The following PPIP5K2 variants were observed in gnomAD, a reference collection of about 807,000 sequenced individuals.
PPIP5K2 encodes inositol hexakisphosphate and diphosphoinositol-pentakisphosphate kinase 2.
PPIP5K2 carries 105 observed loss-of-function variants against 154.6 expected under a neutral mutation model. The ratio of observed to expected loss-of-function variants is 0.68; its 90% CI spans 0.58 to 0.80. The LOEUF is 0.80. Among genes scored for constraint, PPIP5K2 ranks in the 30% least tolerant of loss-of-function variants. The pLI, the probability that PPIP5K2 is intolerant of heterozygous loss-of-function variation, is 0.00. For synonymous variants in PPIP5K2, 480 were observed against 490.3 expected, an observed-to-expected ratio of 0.98 and a Z score of 0.28; for missense variants, 992 against 1,504.6, an observed-to-expected ratio of 0.66 and a Z score of 5.64.
At position 103,133,522 on chromosome 5, in the gene PPIP5K2, G is replaced by T; in HGVS notation, c.184G>T (p.Glu62Ter). The T allele has an allele frequency of 6.2e-7, 1 of 1,612,134 alleles. No homozygotes were observed. The highest frequency in any genetic ancestry group is 2.2e-5 in the East Asian group (1 of 44,728). ...GAAATCCAAATCCAAACCAATGAAG[G>T]AAATTCTTGAACGGATCTCCTTATT... ...AKKSKSKPMK[E>*]ILERISLFKY... Residue 62 changes from glutamate (E) to a stop codon, truncating the protein, a stop_gained, in exon 3 of 31, where the codon GAA becomes TAA. Coordinates refer to ENST00000358359, the MANE Select transcript of PPIP5K2 (RefSeq NM_001276277.3). LOFTEE classifies it high-confidence loss of function.
chr5:103,162,955 C>CT, intron 17 of PPIP5K2, among the ~76,000 whole-genome samples: 1 of 151,988 alleles, frequency 6.6e-6, no homozygotes. Context: ...AAAGACTATT[C>CT]TTTCCCATTA....
intron 29 of PPIP5K2, among the ~76,000 whole-genome samples, chr5:103,192,117 C>T (rs1483525530): frequency 6.6e-6 from 1 of 151,958 alleles, no homozygotes; most frequent in Non-Finnish European, 1.5e-5. Flanking sequence ...CCTTTTCTTC[C>T]ATTTTTGGTA....
At chr5:103,137,216 G>A (rs546602593) in intron 4 of PPIP5K2, among the ~76,000 whole-genome samples, 138 of 148,824 alleles carry the variant, frequency 9.3e-4, no homozygotes, top group African/African-American at 3.3e-3. Flanking sequence ...AGTCTGGAGT[G>A]CAGTGGCGGG....
intron 21 of PPIP5K2, among the ~76,000 whole-genome samples, chr5:103,176,010 C>T (rs1798649895): frequency 6.6e-6 from 1 of 151,924 alleles, no homozygotes; most frequent in Non-Finnish European, 1.5e-5. Context: ...TCAGTATATT[C>T]CCCTTTGTAA....
At chr5:103,166,383 G>T (rs1797119324) in intron 17 of PPIP5K2, among the ~76,000 whole-genome samples, 1 of 151,964 alleles carries the variant, frequency 6.6e-6, no homozygotes, top group African/African-American at 2.4e-5. Flanking sequence ...TTCAGTGGGA[G>T]ATCATTAGGA....
At chr5:103,162,147 T>G (rs1796365108) in intron 17 of PPIP5K2, among the ~76,000 whole-genome samples, 1 of 152,180 alleles carries the variant, frequency 6.6e-6, no homozygotes, top group South Asian at 2.1e-4. Flanking sequence ...TTTACTTTAT[T>G]GTGGCTTCAA....
Position 103,169,103 on chromosome 5 carries a change from T to C in PPIP5K2, c.2286+808T>C, listed in dbSNP as rs140879980. Reference sequence around the variant, plus strand: ...CATGGGTCTTTTCATTATAGGAGAATAAAAATAAAGGTGTAACAAGAATTC... The same window carrying C: ...CATGGGTCTTTTCATTATAGGAGAACAAAAATAAAGGTGTAACAAGAATTC... On this transcript the variant is annotated intron_variant, in intron 19 of 30. Transcript: ENST00000358359. Among the ~76,000 whole-genome samples, 13 of 151,886 alleles carry C rather than the reference T, an allele frequency of 8.6e-5. No homozygotes were observed. The East Asian group carries it at 2.5e-3, about 29-fold the overall frequency.
In PPIP5K2 at chr5:103,137,892, G is replaced by A. The variant is rs1307249411; in HGVS notation, c.402-492G>A. ...TTTAAATGGTTTGAAAAGTAAAAGC[G>A]TACCGAAAGCCATTTAATCGTCACT... On this transcript the variant is annotated intron_variant, in intron 4 of 30. Transcript: ENST00000358359. Among the ~76,000 whole-genome samples, 7 of 149,628 alleles carry A rather than the reference G, an allele frequency of 4.7e-5. No individual in the cohort carries two copies. The South Asian group carries it at 6.3e-4, about 13-fold the overall frequency.
At chr5:103,190,720 T>G in intron 28 of PPIP5K2, 122 bp from the exon 29 acceptor site, 1 of 756,360 alleles carries the variant, frequency 1.3e-6, no homozygotes, top group South Asian at 2.9e-5. Flanking sequence ...TATTGTGTGT[T>G]TGCATGTGAT....
At chr5:103,148,756 C>CT (rs1342995553) in intron 7 of PPIP5K2, among the ~76,000 whole-genome samples, 5 of 152,040 alleles carry the variant, frequency 3.3e-5, no homozygotes, top group African/African-American at 1.2e-4. Context: ...CTTACCTGCA[C>CT]TCAGATTATG....
intron 5 of PPIP5K2, among the ~76,000 whole-genome samples, chr5:103,139,007 A>G (rs1792071155): frequency 6.6e-6 from 1 of 152,188 alleles, no homozygotes; most frequent in South Asian, 2.1e-4. Context: ...CAACTGTGGG[A>G]CTTGAGTATG....
At chr5:103,122,567 C>T (rs782134660) in intron 1 of PPIP5K2, among the ~76,000 whole-genome samples, 1 of 152,116 alleles carries the variant, frequency 6.6e-6, no homozygotes, top group Non-Finnish European at 1.5e-5. Context: ...GCCAGGTTGC[C>T]TTTGCCAGCC....
chr5:103,177,208 C>G (rs1271224994), intron 21 of PPIP5K2, among the ~76,000 whole-genome samples: 1 of 151,764 alleles, frequency 6.6e-6, no homozygotes, highest in East Asian at 1.9e-4. Flanking sequence ...AAAAGGTTAC[C>G]ACTAGAACTT....
chr5:103,195,661 C>T (rs1801978086), intron 30 of PPIP5K2, among the ~76,000 whole-genome samples: 1 of 152,040 alleles, frequency 6.6e-6, no homozygotes, highest in South Asian at 2.1e-4. Context: ...TTATCTTATT[C>T]CTCTACTTTT....
intron 17 of PPIP5K2, among the ~76,000 whole-genome samples, chr5:103,159,548 CTT>C (rs1795907540): frequency 6.6e-6 from 1 of 152,046 alleles, no homozygotes; most frequent in African/African-American, 2.4e-5. Flanking sequence ...ACTGTCCTGA[CTT>C]TTTATATTCT....
intron 18 of PPIP5K2, 38 bp downstream of exon 18, chr5:103,167,358 G>T: frequency 6.9e-7 from 1 of 1,458,122 alleles, no homozygotes; most frequent in South Asian, 1.5e-5. Context: ...ACAAATAAAA[G>T]TTACTATTCA....
intron 2 of PPIP5K2, among the ~76,000 whole-genome samples, chr5:103,129,969 A>C (rs372988281): frequency 6.6e-6 from 1 of 152,338 alleles, no homozygotes; most frequent in East Asian, 1.9e-4. Flanking sequence ...AAAGAGAAAC[A>C]GTAATCTGGG....
In PPIP5K2 at chr5:103,182,272, G is replaced by A. The variant is rs148443590; in HGVS notation, c.2923-962G>A. Among the ~76,000 whole-genome samples, 33 of 152,164 alleles carry A rather than the reference G, an allele frequency of 2.2e-4. No homozygotes were observed. The East Asian group carries it at 5.8e-3, about 27-fold the overall frequency. On this transcript the variant is annotated intron_variant, in intron 24 of 30. Coordinates refer to ENST00000358359, the MANE Select transcript of PPIP5K2 (RefSeq NM_001276277.3). ...AAAATGTATTGTAAGTCTTCATTTT[G>A]CAACTCATCTATATTTATAAAACCT...
rs1298843297 is a variant in PPIP5K2, at chr5:103,129,470, A to G, written c.-120A>G. The G allele has an allele frequency of 7.3e-6, 5 of 684,536 alleles. No homozygotes were observed. The highest frequency in any genetic ancestry group is 1.1e-5 in the Non-Finnish European group (5 of 449,854). 42.4% of individuals were successfully genotyped at this position (684,536 alleles called of 1,614,324 possible). ...ATCAAGTGATTGTATAAGCAGAAAC[A>G]AGCTGTCACAGACCTGTGCGTCAGC... On this transcript the variant is annotated 5_prime_UTR_variant, in exon 2 of 31. Transcript: ENST00000358359.
Sources: allele counts gnomAD v4.1 joint callset (sites outside exome capture counted in the v4.1 genomes callset), GRCh38; gene constraint gnomAD v4.1.1; transcripts MANE v1.5; gene names NCBI Gene and HGNC (gene_info 2026-07-23, HGNC 2026-07-21).